The following DLG2 variants were observed in gnomAD, a reference collection of about 807,000 sequenced individuals.
The protein encoded by DLG2 is disks large homolog 2.
In DLG2, 45 loss-of-function variants were observed where a neutral mutation model predicts 132.5. The ratio of observed to expected loss-of-function variants is 0.34; its 90% confidence interval spans 0.27 to 0.44. The LOEUF (loss-of-function observed/expected upper bound fraction) is 0.44, where lower values mean the gene tolerates loss of function less well. DLG2 is among the 20% of genes least tolerant of loss of function. The pLI, the probability that DLG2 is intolerant of heterozygous loss-of-function variation, is 1.00. For synonymous variants in DLG2, 424 were observed against 419.6 expected (o/e 1.01, Z -0.13); for missense variants, 1,045 against 1,196.9 (o/e 0.87, Z 1.87).
Position 84,054,959 on chromosome 11 carries a change from C to T in DLG2, c.919+4356G>A, listed in dbSNP as rs566682693. Among the ~76,000 whole-genome samples the T allele has an allele frequency of 1.3e-4, 19 of 151,802 alleles. No individual in the cohort carries two copies. In the South Asian group the frequency reaches 2.1e-3, roughly 17 times the overall value. ...TAACTCTTTAAAATAGCTGAAGTAG[C>T]CATATTCATATTTTTTATATTAAGA... is the stretch of plus-strand genomic sequence containing the variant. On this transcript the variant is annotated intron_variant, in intron 11 of 27. Coordinates refer to ENST00000376104, the MANE Select transcript of DLG2 (RefSeq NM_001142699.3).
chr11:85,224,392 CCTT>C (rs895970057), intron 4 of DLG2, among the ~76,000 whole-genome samples: 2 of 152,164 alleles, frequency 1.3e-5, no homozygotes, highest in African/African-American at 4.8e-5. Context: ...AATACTTTCT[CCTT>C]CTCTCCTCAT....
chr11:83,770,397 T>C (rs1046701629), intron 18 of DLG2, among the ~76,000 whole-genome samples: 18 of 151,916 alleles, frequency 1.2e-4, no homozygotes, highest in African/African-American at 4.1e-4. Flanking sequence ...AAAAAGGGAA[T>C]TCTGGGCAGA....
At chr11:85,347,409 T>C (rs958936952) in intron 3 of DLG2, among the ~76,000 whole-genome samples, 2 of 152,142 alleles carry the variant, frequency 1.3e-5, no homozygotes, top group Non-Finnish European at 1.5e-5. Context: ...CAGACCTGGA[T>C]GGACTTTTTA....
At chr11:83,749,985 G>A (rs555550193) in intron 18 of DLG2, among the ~76,000 whole-genome samples, 7 of 152,262 alleles carry the variant, frequency 4.6e-5, no homozygotes, top group African/African-American at 1.7e-4. Flanking sequence ...AATTCTTCAG[G>A]ATCAGGTTGT....
intron 21 of DLG2, among the ~76,000 whole-genome samples, chr11:83,524,861 T>G (rs2095567355): frequency 6.6e-6 from 1 of 152,198 alleles, no homozygotes; most frequent in Non-Finnish European, 1.5e-5. Flanking sequence ...TTTTGAACGA[T>G]ATCTCTTTTA....
At chr11:85,519,932 T>A (rs2153174592) in intron 3 of DLG2, among the ~76,000 whole-genome samples, 1 of 152,280 alleles carries the variant, frequency 6.6e-6, no homozygotes, top group East Asian at 1.9e-4. Flanking sequence ...TTGTGAGGCC[T>A]CCCCAGCCAC....
chr11:83,786,505 C>G (rs2039974635), intron 18 of DLG2, 185 bp downstream of exon 18: 1 of 537,926 alleles, frequency 1.9e-6, no homozygotes, highest in African/African-American at 1.9e-5. Flanking sequence ...TGATATTTTC[C>G]TGGAAGATTA....
chr11:84,937,771 T>C lies in DLG2; in HGVS notation c.357+173890A>G, dbSNP rs189459229. On this transcript the variant is annotated intron_variant, in intron 6 of 27. Coordinates refer to ENST00000376104, the MANE Select transcript of DLG2 (RefSeq NM_001142699.3). ...AAAGGGAATTGAAATTTGATAGGAC[T>C]TCAAAGATCAACAGAAAGTGGGGTT... is the stretch of plus-strand genomic sequence containing the variant. 5.9e-5 allele frequency among the ~76,000 whole-genome samples: 9 copies of C among 152,272 alleles called. No individual in the cohort carries two copies. The East Asian group carries it at 1.4e-3, about 23-fold the overall frequency.
At chr11:84,169,042 T>C (rs2095748863) in intron 8 of DLG2, among the ~76,000 whole-genome samples, 1 of 152,232 alleles carries the variant, frequency 6.6e-6, no homozygotes, top group Non-Finnish European at 1.5e-5. Context: ...GATTTGAATC[T>C]TCTTTCCAAC....
At chr11:84,558,340 ATTC>A (rs2099416146) in intron 6 of DLG2, among the ~76,000 whole-genome samples, 2 of 152,164 alleles carry the variant, frequency 1.3e-5, no homozygotes, top group African/African-American at 4.8e-5. Flanking sequence ...GAACTTGACT[ATTC>A]TTAGAAAGTT....
chr11:84,605,576 C>T (rs940794950), intron 6 of DLG2, among the ~76,000 whole-genome samples: 14 of 147,312 alleles, frequency 9.5e-5, no homozygotes, highest in Non-Finnish European at 1.6e-4. Flanking sequence ...ATCTGTAATG[C>T]TACGTAATCC....
chr11:84,971,868 A>C (rs531484552), intron 6 of DLG2, among the ~76,000 whole-genome samples: 5 of 152,276 alleles, frequency 3.3e-5, no homozygotes, highest in Middle Eastern at 6.8e-3. Flanking sequence ...CGAGACACTA[A>C]AGGAAGAATG....
intron 6 of DLG2, among the ~76,000 whole-genome samples, chr11:84,683,182 G>C (rs2099735048): frequency 6.6e-6 from 1 of 152,136 alleles, no homozygotes. Context: ...GAGTCCTTAT[G>C]GTATAGTGAC....
chr11:84,446,467 G>A (rs953370417), intron 7 of DLG2, among the ~76,000 whole-genome samples: 2 of 151,874 alleles, frequency 1.3e-5, no homozygotes, highest in South Asian at 2.1e-4. Context: ...GAGTCCCTGC[G>A]ACCTTCAGTT....
intron 6 of DLG2, among the ~76,000 whole-genome samples, chr11:84,596,114 C>T (rs2099556147): frequency 6.6e-6 from 1 of 152,112 alleles, no homozygotes; most frequent in Non-Finnish European, 1.5e-5. Context: ...ATTTATTAGG[C>T]AACTTACAAA....
chr11:83,997,054 C>T (rs530091853), intron 11 of DLG2, among the ~76,000 whole-genome samples: 42 of 151,772 alleles, frequency 2.8e-4, no homozygotes, highest in African/African-American at 8.7e-4. Context: ...CGTGACATGC[C>T]TGTATCAAAA....
intron 3 of DLG2, among the ~76,000 whole-genome samples, chr11:85,587,399 A>G (rs1349538749): frequency 6.6e-6 from 1 of 152,078 alleles, no homozygotes; most frequent in Non-Finnish European, 1.5e-5. Flanking sequence ...GTGCATATAT[A>G]TTTAGGATTA....
At chr11:85,261,678 A>C (rs1441957914) in intron 4 of DLG2, among the ~76,000 whole-genome samples, 2 of 152,158 alleles carry the variant, frequency 1.3e-5, no homozygotes, top group Non-Finnish European at 2.9e-5. Context: ...GGAAGAGACC[A>C]ATATCCCCTT....
intron 18 of DLG2, among the ~76,000 whole-genome samples, chr11:83,716,167 G>T (rs1407633615): frequency 6.6e-6 from 1 of 152,192 alleles, no homozygotes; most frequent in East Asian, 1.9e-4. Context: ...AAAGGTCAGG[G>T]AAGCACGTGT....
Sources: gnomAD v4.1 joint callset for allele counts (sites outside exome capture counted in the v4.1 genomes callset) on GRCh38, gnomAD v4.1.1 for gene constraint, MANE v1.5 for transcripts, NCBI Gene and HGNC (gene_info 2026-07-23, HGNC 2026-07-21) for gene names.